The following ROBO1 variants were observed in gnomAD, a reference collection of about 807,000 sequenced individuals.
ROBO1 encodes roundabout guidance receptor 1, also known as roundabout homolog 1.
In ROBO1, 149 loss-of-function variants were observed where a neutral mutation model predicts 195.9. That is an observed-to-expected ratio of 0.76 (90% CI 0.67 to 0.87). ROBO1 has a LOEUF of 0.87. ROBO1 is among the 40% of genes least tolerant of loss of function. ROBO1 has a pLI of 0.00. For missense variants in ROBO1, 1,933 were observed against 2,068.3 expected (o/e 0.93, Z 1.27); for synonymous variants, 816 against 733.2 (o/e 1.11, Z -1.82).
chr3:79,067,864 T>C (rs572130781), intron 3 of ROBO1, among the ~76,000 whole-genome samples: 3 of 152,028 alleles, frequency 2.0e-5, no homozygotes, highest in Admixed American at 6.6e-5. Context: ...TTGGCTGACA[T>C]TGAAGGCTGA....
At chr3:78,823,427 G>A (rs1402349273) in intron 4 of ROBO1, among the ~76,000 whole-genome samples, 1 of 152,024 alleles carries the variant, frequency 6.6e-6, no homozygotes, top group Non-Finnish European at 1.5e-5. Flanking sequence ...GATCTAAGAG[G>A]GAAATAAGGA....
chr3:79,109,003 T>A (rs2079836754), intron 3 of ROBO1, among the ~76,000 whole-genome samples: 1 of 151,974 alleles, frequency 6.6e-6, no homozygotes, highest in Non-Finnish European at 1.5e-5. Flanking sequence ...TATATCACAG[T>A]GCCTCTTTCT....
chr3:78,938,610 C>A lies in ROBO1; in HGVS notation c.490G>T (p.Glu164Ter), dbSNP rs1229039742. 1 of 1,606,644 alleles carries A rather than the reference C, an allele frequency of 6.2e-7. No homozygotes were observed. Among genetic ancestry groups the A allele is most frequent in the Non-Finnish European group, 8.5e-7 (1 of 1,174,432 alleles). Residue 164 changes from glutamate to a stop codon, truncating the protein, a stop_gained, in exon 4 of 31, where the codon GAA becomes TAA. Coordinates refer to ENST00000464233, the MANE Select transcript of ROBO1 (RefSeq NM_002941.4). LOFTEE classifies it high-confidence loss of function. The part of the protein sequence containing the change: ...GEAVSHNASL[E>*]VAILRDDFRQ... ...CGCCCAGTTTACTTACTGGCTACTT[C>A]CAGCGATGCATTGTGGCTCACAGCC...
At chr3:79,239,865 A>C (rs957804841) in intron 2 of ROBO1, among the ~76,000 whole-genome samples, 2 of 152,158 alleles carry the variant, frequency 1.3e-5, no homozygotes, top group African/African-American at 4.8e-5. Flanking sequence ...TGCCCACAGA[A>C]GGCTTTCTTT....
chr3:79,577,292 AT>A (rs1332092003), intron 2 of ROBO1, among the ~76,000 whole-genome samples: 3 of 152,152 alleles, frequency 2.0e-5, no homozygotes, highest in Non-Finnish European at 4.4e-5. Context: ...GGGGGCTTTT[AT>A]TCTACATGTT....
chr3:79,489,116 A>T (rs999746929), intron 2 of ROBO1, among the ~76,000 whole-genome samples: 1 of 151,194 alleles, frequency 6.6e-6, no homozygotes. Context: ...GTACATATAT[A>T]TATATATATA....
At chr3:78,858,759 C>A in intron 4 of ROBO1, among the ~76,000 whole-genome samples, 1 of 150,378 alleles carries the variant, frequency 6.6e-6, no homozygotes, top group Non-Finnish European at 1.5e-5. Context: ...TCCACCTCCC[C>A]CACCCCACCC....
At chr3:79,536,066 G>A (rs1028958734) in intron 2 of ROBO1, among the ~76,000 whole-genome samples, 10 of 151,862 alleles carry the variant, frequency 6.6e-5, no homozygotes, top group Non-Finnish European at 1.0e-4. Flanking sequence ...CTTTTAAACC[G>A]CTACATAATA....
rs765880234 is a variant in ROBO1, at chr3:78,994,307, TGA to T, written c.173-55382_173-55381del. Among the ~76,000 whole-genome samples the T allele has an allele frequency of 4.6e-5, 7 of 152,218 alleles. No individual in the cohort carries two copies. The South Asian group carries it at 8.3e-4, about 18-fold the overall frequency. On this transcript the variant is annotated intron_variant, in intron 3 of 30. Coordinates refer to ENST00000464233, the MANE Select transcript of ROBO1 (RefSeq NM_002941.4). ...GTATCAGATTACCCCAAGTATTTAC[TGA>T]GATAAATGGTGAGGATGGAAGCATT...
At chr3:78,916,945 T>C (rs2038635731) in intron 4 of ROBO1, among the ~76,000 whole-genome samples, 1 of 152,180 alleles carries the variant, frequency 6.6e-6, no homozygotes, top group Non-Finnish European at 1.5e-5. Context: ...TATGTAAGTG[T>C]AGGTTGAGTA....
intron 1 of ROBO1, among the ~76,000 whole-genome samples, chr3:79,603,645 A>G (rs1406183014): frequency 6.6e-6 from 1 of 152,034 alleles, no homozygotes; most frequent in African/African-American, 2.4e-5. Context: ...AACCACTGAG[A>G]TTGGTCTAAT....
intron 27 of ROBO1, among the ~76,000 whole-genome samples, chr3:78,615,097 T>G (rs1704037349): frequency 6.6e-6 from 1 of 152,206 alleles, no homozygotes; most frequent in African/African-American, 2.4e-5. Flanking sequence ...CAATTATTTT[T>G]GCAATTAGCT....
At chr3:78,835,403 C>CA (rs1467647855) in intron 4 of ROBO1, among the ~76,000 whole-genome samples, 1 of 152,102 alleles carries the variant, frequency 6.6e-6, no homozygotes, top group Non-Finnish European at 1.5e-5. Context: ...GACACCTGAA[C>CA]ATTACATTTT....
chr3:79,714,665 A>G (rs1226354721), intron 1 of ROBO1, among the ~76,000 whole-genome samples: 1 of 151,984 alleles, frequency 6.6e-6, no homozygotes, highest in Non-Finnish European at 1.5e-5. Flanking sequence ...AATACTATGC[A>G]GCCATAAAAA....
At chr3:78,883,313 T>G (rs1371143414) in intron 4 of ROBO1, among the ~76,000 whole-genome samples, 1 of 152,112 alleles carries the variant, frequency 6.6e-6, no homozygotes, top group African/African-American at 2.4e-5. Flanking sequence ...TATTTCCCCA[T>G]GACTTCCAAA....
chr3:79,577,528 T>C (rs989185293), intron 2 of ROBO1, among the ~76,000 whole-genome samples: 1 of 152,042 alleles, frequency 6.6e-6, no homozygotes, highest in Non-Finnish European at 1.5e-5. Flanking sequence ...AGGTAAATAC[T>C]GGAAGAAAAT....
chr3:79,636,188 G>T (rs1945490656), intron 1 of ROBO1, among the ~76,000 whole-genome samples: 1 of 152,088 alleles, frequency 6.6e-6, no homozygotes, highest in South Asian at 2.1e-4. Flanking sequence ...ATTGTACTCT[G>T]GCTTCCTTTT....
At chr3:78,816,646 T>C (rs1472249405) in intron 4 of ROBO1, among the ~76,000 whole-genome samples, 1 of 152,120 alleles carries the variant, frequency 6.6e-6, no homozygotes, top group Admixed American at 6.5e-5. Context: ...ATGAGGAGTA[T>C]AGAAGAAGTT....
chr3:79,397,267 T>C (rs1229935936), intron 2 of ROBO1, among the ~76,000 whole-genome samples: 1 of 151,260 alleles, frequency 6.6e-6, no homozygotes, highest in Non-Finnish European at 1.5e-5. Flanking sequence ...CATATATATA[T>C]ATGCTGTTTT....
Sources: gnomAD v4.1 joint callset for allele counts (sites outside exome capture counted in the v4.1 genomes callset) on GRCh38, gnomAD v4.1.1 for gene constraint, MANE v1.5 for transcripts, NCBI Gene and HGNC (gene_info 2026-07-23, HGNC 2026-07-21) for gene names.